CARMIL1: variants seen among roughly 807,000 people sequenced by gnomAD.
The protein encoded by CARMIL1 is F-actin-uncapping protein LRRC16A.
CARMIL1 carries 90 observed loss-of-function variants against 177.1 expected under a neutral mutation model. That is an observed-to-expected ratio of 0.51 (90% confidence interval 0.43 to 0.61). The LOEUF (loss-of-function observed/expected upper bound fraction) is 0.61. Ranked by LOEUF, CARMIL1 falls within the 20% of genes least tolerant of loss-of-function variation. The pLI is 0.00. For missense variants in CARMIL1, 1,380 were observed against 1,667.0 expected (o/e 0.83, Z 3.00); for synonymous variants, 577 against 606.2 (o/e 0.95, Z 0.71).
chr6:25,305,180 A>G (rs1312304237), intron 2 of CARMIL1, among the ~76,000 whole-genome samples: 2 of 152,330 alleles, frequency 1.3e-5, no homozygotes, highest in East Asian at 3.9e-4. Flanking sequence ...TTAAAGAGCC[A>G]TTCTAATTTT....
chr6:25,303,174 A>G (rs1783005337), intron 2 of CARMIL1, among the ~76,000 whole-genome samples: 1 of 151,892 alleles, frequency 6.6e-6, no homozygotes, highest in Non-Finnish European at 1.5e-5. Flanking sequence ...TTGAATGAAA[A>G]GATTCGTTTT....
At chr6:25,536,423 G>T (rs1808309100) in intron 24 of CARMIL1, among the ~76,000 whole-genome samples, 1 of 152,112 alleles carries the variant, frequency 6.6e-6, no homozygotes, top group African/African-American at 2.4e-5. Context: ...TTTGATGTGA[G>T]AAGCAATATT....
At chr6:25,418,823 T>A (rs1163643676) in intron 2 of CARMIL1, among the ~76,000 whole-genome samples, 2 of 152,174 alleles carry the variant, frequency 1.3e-5, no homozygotes, top group South Asian at 4.1e-4. Flanking sequence ...GTGAAAGGTC[T>A]TGAAATGGGC....
intron 32 of CARMIL1, among the ~76,000 whole-genome samples, chr6:25,599,238 C>T (rs1295623065): frequency 1.3e-5 from 2 of 152,200 alleles, no homozygotes; most frequent in Admixed American, 6.5e-5. Context: ...TCTCCTCATT[C>T]TGGAGCCAGC....
At chr6:25,463,912 T>A (rs1800354623) in intron 8 of CARMIL1, among the ~76,000 whole-genome samples, 1 of 140,538 alleles carries the variant, frequency 7.1e-6, no homozygotes, top group Non-Finnish European at 1.5e-5. Context: ...AAGCTCTGCC[T>A]CCCGGGTTCA....
In CARMIL1 at chr6:25,581,310, A is replaced by G. The variant is rs763206668; in HGVS notation, c.2877A>G (p.Pro959=). 1.1e-5 allele frequency: 18 copies of G among 1,613,794 alleles called. No individual in the cohort carries two copies. In the African/African-American group the frequency reaches 1.7e-4, roughly 16 times the overall value. ...VPIHIEDPPF[P]SLRQEKRSSG... ...TTCACATCGAAGACCCGCCCTTCCCATCCCTCAGACAGGAGAAGCGGAGCT... is the reference window on the plus strand; with the variant it reads ...TTCACATCGAAGACCCGCCCTTCCCGTCCCTCAGACAGGAGAAGCGGAGCT... Residue 959 remains proline (P), a synonymous_variant, in exon 31 of 37, where the codon CCA becomes CCG. Transcript: ENST00000329474.
rs1162030801 is a variant in CARMIL1 at position 25,375,546 on chromosome 6, A to AG, written c.139-44565dup. Among the ~76,000 whole-genome samples, 4 of 152,346 alleles carry AG rather than the reference A, an allele frequency of 2.6e-5. No homozygotes were observed. The East Asian group carries it at 5.8e-4, about 22-fold the overall frequency. On this transcript the variant is annotated intron_variant, in intron 2 of 36. Transcript: ENST00000329474. ...GGTTACCTAAATCTCCAGCAAGGCCAGGGAAATTTTTCTCACCTATTTTCT... is the reference window on the plus strand; with the variant it reads ...GGTTACCTAAATCTCCAGCAAGGCCAGGGGAAATTTTTCTCACCTATTTTCT...
intron 2 of CARMIL1, among the ~76,000 whole-genome samples, chr6:25,312,190 G>A (rs1783874154): frequency 6.6e-6 from 1 of 151,980 alleles, no homozygotes; most frequent in Admixed American, 6.5e-5. Context: ...TCCCATCTGG[G>A]TGTGCTCAGA....
In CARMIL1 at chr6:25,537,960, C is replaced by T. The variant is rs12527029; in HGVS notation, c.2173C>T (p.Arg725Cys). The T allele has an allele frequency of 1.8e-5, 29 of 1,603,212 alleles. No homozygotes were observed. In the South Asian group the frequency reaches 1.9e-4, roughly 11 times the overall value. ...TTTAAAATCAGCAGAGCGGCTCATG[C>T]GTGATGCTAAGAACTCTAAAACGGT... ...EDLKSAERLM[R>C]DAKNSKTLLP... Residue 725 changes from arginine (R) to cysteine (C), a missense_variant, in exon 25 of 37, where the codon CGT (arginine) becomes TGT (cysteine). Physicochemically the swap from Arg to Cys is radical, Grantham distance 180. Coordinates refer to ENST00000329474, the MANE Select transcript of CARMIL1 (RefSeq NM_017640.6).
chr6:25,451,986 G>GGGGGGGGCC, intron 8 of CARMIL1: 1 of 112,670 alleles, frequency 8.9e-6, no homozygotes, highest in East Asian at 2.0e-4. Flanking sequence ...CTAGCATCTT[G>GGGGGGGGCC]CCCCCCCCTC....
chr6:25,585,945 T>A (rs1291527269), intron 31 of CARMIL1, among the ~76,000 whole-genome samples: 1 of 152,226 alleles, frequency 6.6e-6, no homozygotes, highest in Admixed American at 6.5e-5. Context: ...TATGTCTACT[T>A]CTTTCTACAC....
At chr6:25,364,642 C>T (rs1020955886) in intron 2 of CARMIL1, among the ~76,000 whole-genome samples, 5 of 151,898 alleles carry the variant, frequency 3.3e-5, no homozygotes, top group Admixed American at 2.0e-4. Flanking sequence ...TGGCTCACTG[C>T]GACCTCCGTC....
Position 25,550,940 on chromosome 6 carries a change from G to A in CARMIL1, c.2359G>A (p.Glu787Lys), listed in dbSNP as rs530179568. Residue 787 changes from glutamate to lysine, a missense_variant, in exon 27 of 37, where the codon GAG becomes AAG. Coordinates refer to ENST00000329474, the MANE Select transcript of CARMIL1 (RefSeq NM_017640.6). ...ALLESMVDAAENLCPNVMKKA... is the reference protein window; with the variant it reads ...ALLESMVDAAKNLCPNVMKKA... ...GCTTGAGTCCATGGTTGATGCTGCTGAGAATCTTTGTCCCAATGTGATGAA... is the reference window on the plus strand; with the variant it reads ...GCTTGAGTCCATGGTTGATGCTGCTAAGAATCTTTGTCCCAATGTGATGAA... 13 of 1,613,436 alleles carry A rather than the reference G, an allele frequency of 8.1e-6. No homozygotes were observed. Among genetic ancestry groups the A allele is most frequent in the Middle Eastern group, 1.7e-4 (1 of 6,052 alleles).
At chr6:25,451,986 G>GCCCGCCCC in intron 8 of CARMIL1, 1 of 112,672 alleles carries the variant, frequency 8.9e-6, no homozygotes. Context: ...CTAGCATCTT[G>GCCCGCCCC]CCCCCCCCTC....
intron 8 of CARMIL1, among the ~76,000 whole-genome samples, chr6:25,461,178 A>G (rs1175969032): frequency 3.9e-5 from 6 of 152,118 alleles, no homozygotes; most frequent in Admixed American, 6.5e-5. Context: ...CTGATACATC[A>G]TGTCTACATT....
intron 28 of CARMIL1, among the ~76,000 whole-genome samples, chr6:25,555,635 G>A (rs537009975): frequency 4.3e-4 from 66 of 152,220 alleles, no homozygotes; most frequent in African/African-American, 1.4e-3. Context: ...GACCTCAAGT[G>A]ATCCACCTGC....
chr6:25,579,025 T>C (rs1298555599), intron 29 of CARMIL1, among the ~76,000 whole-genome samples: 1 of 151,932 alleles, frequency 6.6e-6, no homozygotes, highest in Non-Finnish European at 1.5e-5. Flanking sequence ...GAATGACCTA[T>C]TCACAGATGG....
At chr6:25,403,520 T>C (rs1045563686) in intron 2 of CARMIL1, among the ~76,000 whole-genome samples, 1 of 152,112 alleles carries the variant, frequency 6.6e-6, no homozygotes, top group Non-Finnish European at 1.5e-5. Flanking sequence ...CCCCACCTTA[T>C]CACCCCTCTG....
intron 2 of CARMIL1, among the ~76,000 whole-genome samples, chr6:25,418,119 C>T (rs1795519850): frequency 6.6e-6 from 1 of 152,110 alleles, no homozygotes; most frequent in Non-Finnish European, 1.5e-5. Context: ...GTGGCAGAGC[C>T]AGAATCTGAA....
Sources: allele counts gnomAD v4.1 joint callset (sites outside exome capture counted in the v4.1 genomes callset), GRCh38; gene constraint gnomAD v4.1.1; transcripts MANE v1.5; gene names NCBI Gene and HGNC (gene_info 2026-07-23, HGNC 2026-07-21).